The following COL26A1 variants were observed in gnomAD, a reference collection of about 807,000 sequenced individuals.
The protein encoded by COL26A1 is collagen alpha-1(XXVI) chain.
A neutral mutation model predicts 59.3 loss-of-function variants in COL26A1; 41 were observed. The ratio of observed to expected loss-of-function variants is 0.69; its 90% CI spans 0.54 to 0.90. The LOEUF (loss-of-function observed/expected upper bound fraction) is 0.90. Ranked by LOEUF, COL26A1 falls within the 40% of genes least tolerant of loss-of-function variation. The pLI is 0.00. For missense variants in COL26A1, 612 were observed against 602.3 expected, an observed-to-expected ratio of 1.02 and a Z score of -0.17; for synonymous variants, 266 against 256.0, an observed-to-expected ratio of 1.04 and a Z score of -0.37.
intron 1 of COL26A1, among the ~76,000 whole-genome samples, chr7:101,414,255 A>T (rs1396655427): frequency 6.6e-6 from 1 of 152,122 alleles, no homozygotes; most frequent in African/African-American, 2.4e-5. Context: ...TTTCCAATTC[A>T]CAGCTCATTT....
intron 3 of COL26A1, among the ~76,000 whole-genome samples, chr7:101,490,074 C>A (rs1794425310): frequency 6.6e-6 from 1 of 150,824 alleles, no homozygotes; most frequent in Non-Finnish European, 1.5e-5. Flanking sequence ...GTAGCTGGGA[C>A]TACAGGCACC....
At chr7:101,393,871 T>G (rs755589495) in intron 1 of COL26A1, among the ~76,000 whole-genome samples, 14 of 152,140 alleles carry the variant, frequency 9.2e-5, no homozygotes, top group African/African-American at 1.4e-4. Context: ...TTCAGCTTCC[T>G]GAGTAGCTGC....
rs574560469 is a variant in COL26A1, at chr7:101,547,284, C to G, written c.940+45C>G. 536 of 1,396,594 alleles carry G rather than the reference C, an allele frequency of 3.8e-4. 4 individuals are homozygous for G. The South Asian group carries it at 6.4e-3, about 17-fold the overall frequency. 86.5% of individuals were successfully genotyped at this position (1,396,594 alleles called of 1,614,324 possible). A position where few individuals can be genotyped will look rare whatever the true frequency, so the allele number is the denominator to read the frequency against. On this transcript the variant is annotated intron_variant, in intron 8 of 12. Coordinates refer to ENST00000313669, the MANE Select transcript of COL26A1 (RefSeq NM_001278563.3). ...GCCTGCATTGAGGACTCCATCCCCC[C>G]AGGGCTGGCCTGAGCCATGGGGCCT...
rs185939380 is a variant in COL26A1, at chr7:101,396,405, C to A, written c.159-23572C>A. On this transcript the variant is annotated intron_variant, in intron 1 of 12. Coordinates refer to ENST00000313669, the MANE Select transcript of COL26A1 (RefSeq NM_001278563.3). ...CCAGCCTCAGCCTCACTTCCCAGCC[C>A]CTGACTGACTACTCCAAGCCCCATA... 2.9e-3 allele frequency among the ~76,000 whole-genome samples: 439 copies of A among 152,250 alleles called. 2 individuals carry two copies. The highest frequency in any genetic ancestry group is 8.9e-3 in the African/African-American group (368 of 41,546).
intron 1 of COL26A1, among the ~76,000 whole-genome samples, chr7:101,396,627 T>C (rs566591603): frequency 2.1e-4 from 32 of 152,220 alleles, no homozygotes; most frequent in Non-Finnish European, 4.1e-4. Context: ...CATGCCTGGC[T>C]AATTTTTGTA....
intron 3 of COL26A1, among the ~76,000 whole-genome samples, chr7:101,474,969 G>A (rs1449763678): frequency 1.3e-5 from 2 of 152,180 alleles, no homozygotes; most frequent in East Asian, 3.9e-4. Flanking sequence ...AAGGCGGGTG[G>A]ATCCCTTGAG....
intron 3 of COL26A1, among the ~76,000 whole-genome samples, chr7:101,502,729 T>G (rs1176908879): frequency 1.3e-5 from 2 of 152,208 alleles, no homozygotes; most frequent in Non-Finnish European, 2.9e-5. Flanking sequence ...GGTGGGTGGC[T>G]CAGCCCATGG....
intron 1 of COL26A1, among the ~76,000 whole-genome samples, chr7:101,391,887 T>C (rs1791738163): frequency 7.2e-6 from 1 of 139,632 alleles, no homozygotes. Flanking sequence ...TCTTTTCTTT[T>C]CTTTTTTTTC....
chr7:101,513,907 A>G (rs916191738), intron 3 of COL26A1, among the ~76,000 whole-genome samples: 6 of 152,218 alleles, frequency 3.9e-5, no homozygotes, highest in African/African-American at 1.4e-4. Context: ...CATCAAAATG[A>G]AAAAGACAGA....
chr7:101,455,232 C>T (rs912993480), intron 3 of COL26A1, among the ~76,000 whole-genome samples: 23 of 151,694 alleles, frequency 1.5e-4, no homozygotes, highest in South Asian at 4.2e-4. Context: ...TTTGTAGAGA[C>T]GGGGTTTCAC....
intron 3 of COL26A1, among the ~76,000 whole-genome samples, chr7:101,482,798 A>G (rs2130496841): frequency 6.6e-6 from 1 of 152,300 alleles, no homozygotes; most frequent in Middle Eastern, 3.4e-3. Context: ...CTCTACTAAA[A>G]ATACAAAAAT....
Position 101,518,910 on chromosome 7 carries a change from C to A in COL26A1, c.386-14172C>A, listed in dbSNP as rs1584480761. The stretch of plus-strand genomic sequence containing the variant: ...TCCAAGCATCCCCAGCTGTGGGGAC[C>A]CCAATCTGTCCCCAACGGAGGGCCA... On this transcript the variant is annotated intron_variant, in intron 3 of 12. Coordinates refer to ENST00000313669, the MANE Select transcript of COL26A1 (RefSeq NM_001278563.3). Among the ~76,000 whole-genome samples, 3 of 152,114 alleles carry A rather than the reference C, an allele frequency of 2.0e-5. No homozygotes were observed. In the South Asian group the frequency reaches 6.2e-4, roughly 32 times the overall value.
At chr7:101,501,185 C>CAAAAAAAAA (rs58672929) in intron 3 of COL26A1, among the ~76,000 whole-genome samples, 4 of 74,432 alleles carry the variant, frequency 5.4e-5, no homozygotes, top group Admixed American at 1.8e-4. Flanking sequence ...GACTCCGTCT[C>CAAAAAAAAA]AAAAAAAAAA....
intron 2 of COL26A1, among the ~76,000 whole-genome samples, chr7:101,421,541 G>T (rs1024028195): frequency 6.6e-6 from 1 of 152,036 alleles, no homozygotes; most frequent in South Asian, 2.1e-4. Flanking sequence ...CAGGCGTGGT[G>T]GTGGGCGCCT....
chr7:101,457,575 A>G (rs1039958076), intron 3 of COL26A1, among the ~76,000 whole-genome samples: 3 of 152,198 alleles, frequency 2.0e-5, no homozygotes, highest in African/African-American at 7.2e-5. Flanking sequence ...GAGTGAGCAA[A>G]GACCCCCAGC....
At chr7:101,415,744 C>T (rs576533270) in intron 1 of COL26A1, among the ~76,000 whole-genome samples, 46 of 152,262 alleles carry the variant, frequency 3.0e-4, no homozygotes, top group African/African-American at 1.1e-3. Context: ...ATCCTCCTGC[C>T]TCAGCCTCCC....
intron 3 of COL26A1, among the ~76,000 whole-genome samples, chr7:101,492,642 A>C (rs1794486553): frequency 6.6e-6 from 1 of 151,802 alleles, no homozygotes; most frequent in African/African-American, 2.4e-5. Flanking sequence ...GGTTGCAGTG[A>C]GCTGAGATCA....
chr7:101,375,505 G>T (rs1289572331), intron 1 of COL26A1, among the ~76,000 whole-genome samples: 1 of 151,670 alleles, frequency 6.6e-6, no homozygotes, highest in Non-Finnish European at 1.5e-5. Flanking sequence ...AGACCAGCCC[G>T]GGCAACATAG....
chr7:101,529,468 C>T (rs899684805), intron 3 of COL26A1, among the ~76,000 whole-genome samples: 15 of 151,958 alleles, frequency 9.9e-5, no homozygotes, highest in Non-Finnish European at 2.2e-4. Context: ...AGGGTTTCAC[C>T]ATGTTGGCCA....
Sources: allele counts gnomAD v4.1 joint callset (sites outside exome capture counted in the v4.1 genomes callset), GRCh38; gene constraint gnomAD v4.1.1; transcripts MANE v1.5; gene names NCBI Gene and HGNC (gene_info 2026-07-23, HGNC 2026-07-21).